Variants in SYNE1 observed in about 807,000 individuals in gnomAD.
SYNE1 encodes spectrin repeat containing nuclear envelope protein 1.
In SYNE1, 616 loss-of-function variants were observed where a neutral mutation model predicts 1,111.0. The ratio of observed to expected loss-of-function variants is 0.55; its 90% CI spans 0.52 to 0.59. SYNE1 has a LOEUF of 0.59. Among genes scored for constraint, SYNE1 ranks in the 20% least tolerant of loss-of-function variants. SYNE1 has a pLI of 0.00. For synonymous variants in SYNE1, 3,855 were observed against 3,825.8 expected (o/e 1.01, Z -0.28); for missense variants, 10,006 against 10,417.0 (o/e 0.96, Z 1.72).
At chr6:152,385,872 G>A (rs1246147743) in intron 54 of SYNE1, 34 bp from the exon 55 acceptor site, 1 of 1,610,340 alleles carries the variant, frequency 6.2e-7, no homozygotes, top group South Asian at 1.1e-5. Context: ...CTTAACAGTG[G>A]TCCTTTTGAG....
intron 108 of SYNE1, among the ~76,000 whole-genome samples, chr6:152,238,086 A>T (rs978284189): frequency 2.0e-5 from 3 of 152,190 alleles, no homozygotes; most frequent in Admixed American, 6.5e-5. Context: ...ATAAACAATA[A>T]ACCAAAAACA....
Position 152,331,094 on chromosome 6 carries a change from C to T in SYNE1, c.13591G>A (p.Glu4531Lys), listed in dbSNP as rs1361139276. 2.5e-6 allele frequency: 4 copies of T among 1,614,048 alleles called. No individual in the cohort carries two copies. The highest frequency in any genetic ancestry group is 2.2e-5 in the East Asian group (1 of 44,890). The change falls in exon 78 of 146, where the codon GAA becomes AAA. Residue 4531 changes from glutamate to lysine, a missense_variant. By Grantham distance (56) the Glu-to-Lys change is moderately conservative. This residue lies in a region of SYNE1 where 4,955 missense variants were observed against 5,017.2 expected (regional missense o/e 0.99). Coordinates refer to ENST00000367255, the MANE Select transcript of SYNE1 (RefSeq NM_182961.4). ...AATTCCTGAAGCTTCCCCAGCACTT[C>T]ACTCTTTTCCTGCTCTGTGACTTCC... ...MKEVTEQEKS[E>K]VLGKLQELQS... is the part of the protein sequence containing the mutation.
At chr6:152,358,289 T>C in intron 66 of SYNE1, 84 bp downstream of exon 66, 2 of 1,590,124 alleles carry the variant, frequency 1.3e-6, no homozygotes, top group East Asian at 4.5e-5. Context: ...GGACTCAAGG[T>C]TTCTATTAAC....
chr6:152,331,547 C>A lies in SYNE1; in HGVS notation c.13138G>T (p.Ala4380Ser). The A allele has an allele frequency of 1.2e-6, 2 of 1,614,096 alleles. No homozygotes were observed. The highest frequency in any genetic ancestry group is 1.7e-6 in the Non-Finnish European group (2 of 1,180,016). ...ALKQSPPPDMAQNLLMDHLAI... is the reference protein window; with the variant it reads ...ALKQSPPPDMSQNLLMDHLAI... Reference sequence around the variant, plus strand: ...AGGTGATCCATGAGAAGGTTCTGAGCCATATCTGGAGGAGGGCTCTGCTTA... The same window carrying A: ...AGGTGATCCATGAGAAGGTTCTGAGACATATCTGGAGGAGGGCTCTGCTTA... Residue 4380 changes from alanine to serine, a missense_variant, in exon 78 of 146, where the codon GCT becomes TCT. Physicochemically the swap from Ala to Ser is moderately conservative, Grantham distance 99. This residue lies in a region of SYNE1 where 4,955 missense variants were observed against 5,017.2 expected (regional missense o/e 0.99). Coordinates refer to ENST00000367255, the MANE Select transcript of SYNE1 (RefSeq NM_182961.4).
At chr6:152,270,675 T>C (rs1476625732) in intron 98 of SYNE1, among the ~76,000 whole-genome samples, 2 of 152,200 alleles carry the variant, frequency 1.3e-5, no homozygotes, top group Non-Finnish European at 2.9e-5. Context: ...CTAGACACTG[T>C]TCTAGAAGCT....
chr6:152,534,205 T>TG (rs1333865020), intron 4 of SYNE1, among the ~76,000 whole-genome samples: 26 of 121,584 alleles, frequency 2.1e-4, no homozygotes, highest in East Asian at 5.0e-4. Flanking sequence ...AATGAATGAA[T>TG]AAATAAATAA....
intron 114 of SYNE1, 89 bp downstream of exon 114, chr6:152,231,302 C>A: frequency 1.4e-6 from 2 of 1,434,492 alleles, no homozygotes; most frequent in Non-Finnish European, 9.8e-7. Flanking sequence ...AGTATAGCCA[C>A]GCTACTTGTG....
intron 92 of SYNE1, 51 bp from the exon 93 acceptor site, chr6:152,300,832 A>T: frequency 6.2e-7 from 1 of 1,613,914 alleles, no homozygotes; most frequent in Non-Finnish European, 8.5e-7. Flanking sequence ...TAGCTATGTT[A>T]ACATAAGTCC....
chr6:152,218,472 G>A (rs2079288877), intron 120 of SYNE1, 69 bp from the exon 121 acceptor site: 1 of 1,538,124 alleles, frequency 6.5e-7, no homozygotes, highest in Non-Finnish European at 9.0e-7. Context: ...ATAAAGTCTG[G>A]TAAAAGGGCA....
chr6:152,515,239 G>C (rs2099105910), intron 6 of SYNE1, among the ~76,000 whole-genome samples: 1 of 149,832 alleles, frequency 6.7e-6, no homozygotes, highest in Admixed American at 6.7e-5. Context: ...AAAAAGAAAA[G>C]AAAAGAAAAA....
At chr6:152,282,173 T>C in intron 96 of SYNE1, 193 bp from the exon 97 acceptor site, 1 of 620,402 alleles carries the variant, frequency 1.6e-6, no homozygotes. Context: ...AAATTGGTAT[T>C]TTTAAAAAGA....
chr6:152,130,144 G>A (rs2055094046), intron 145 of SYNE1, among the ~76,000 whole-genome samples: 1 of 152,164 alleles, frequency 6.6e-6, no homozygotes, highest in Non-Finnish European at 1.5e-5. Flanking sequence ...AAAGTGAGTG[G>A]CTGGGTGTGC....
chr6:152,365,151 G>C (rs1351322399), intron 62 of SYNE1, 132 bp from the exon 63 acceptor site: 1 of 1,145,232 alleles, frequency 8.7e-7, no homozygotes, highest in Non-Finnish European at 1.3e-6. Flanking sequence ...AGTCGGCTGA[G>C]ACAGAGGGTG....
At chr6:152,277,267 T>C (rs1350748579) in intron 98 of SYNE1, among the ~76,000 whole-genome samples, 3 of 119,534 alleles carry the variant, frequency 2.5e-5, no homozygotes, top group Non-Finnish European at 3.5e-5. Context: ...TCTTTTTCTT[T>C]TTTTTTTTTT....
chr6:152,206,301 T>C lies in SYNE1; in HGVS notation c.22886A>G (p.Lys7629Arg). 1 of 1,614,106 alleles carries C rather than the reference T, an allele frequency of 6.2e-7. No homozygotes were observed. Among genetic ancestry groups the C allele is most frequent in the Non-Finnish European group, 8.5e-7 (1 of 1,180,030 alleles). ...ACTGTCCGCCGAGAGAAGGAGTTGC[T>C]TGCCAGCCTCCACAGTCAGGATGTA... ...GSYILTVEAG[K>R]QLLLSADSGA... Residue 7629 changes from lysine (K) to arginine (R), a missense_variant, in exon 126 of 146, where the codon AAG becomes AGG. Physicochemically the swap from Lys to Arg is conservative, Grantham distance 26. Transcript: ENST00000367255.
chr6:152,206,037 A>C (rs1412872279), intron 126 of SYNE1, 131 bp downstream of exon 126: 23 of 1,001,856 alleles, frequency 2.3e-5, no homozygotes, highest in South Asian at 4.3e-5. Context: ...TAAATAAAAC[A>C]CAGAGAATCA....
intron 4 of SYNE1, among the ~76,000 whole-genome samples, chr6:152,530,583 T>C (rs1177566761): frequency 6.6e-6 from 1 of 151,276 alleles, no homozygotes; most frequent in African/African-American, 2.4e-5. Context: ...AAACAATTCA[T>C]AAGTTTTAAA....
At chr6:152,230,765 A>C in intron 114 of SYNE1, 63 bp from the exon 115 acceptor site, 2 of 1,521,866 alleles carry the variant, frequency 1.3e-6, no homozygotes, top group Non-Finnish European at 1.8e-6. Context: ...TCATTAGCAG[A>C]CTAATTATTC....
chr6:152,613,602 C>A (rs12194965), intron 3 of SYNE1, among the ~76,000 whole-genome samples: 12,897 of 152,012 alleles, frequency 0.085, 586 homozygotes, highest in Middle Eastern at 0.13. Context: ...TCAATGCTAC[C>A]AATGACTTTC....
Sources: allele counts gnomAD v4.1 joint callset (sites outside exome capture counted in the v4.1 genomes callset), GRCh38; gene constraint gnomAD v4.1.1; regional missense constraint gnomAD v4.1.1; transcripts MANE v1.5; gene names NCBI Gene and HGNC (gene_info 2026-07-23, HGNC 2026-07-21).